The following ANKRD12 variants were observed in gnomAD, a reference collection of about 807,000 sequenced individuals.
The protein encoded by ANKRD12 is ankyrin repeat domain 12.
In ANKRD12, 85 loss-of-function variants were observed where a neutral mutation model predicts 183.4. The observed-to-expected ratio is 0.46, with a 90% CI of 0.39 to 0.56. The LOEUF (loss-of-function observed/expected upper bound fraction) is 0.56, where lower values mean the gene tolerates loss of function less well. Among genes scored for constraint, ANKRD12 ranks in the 20% least tolerant of loss-of-function variants. The pLI is 0.00. For missense variants in ANKRD12, 2,405 were observed against 2,357.1 expected (o/e 1.02, Z -0.42); for synonymous variants, 914 against 800.2 (o/e 1.14, Z -2.40).
At chr18:9,157,585 G>GTGTGTGTGTGTGTA (rs1472659778) in intron 1 of ANKRD12, among the ~76,000 whole-genome samples, 28 of 92,678 alleles carry the variant, frequency 3.0e-4, no homozygotes, top group African/African-American at 1.3e-3. Context: ...GTGTGTGTGT[G>GTGTGTGTGTGTGTA]TATATATATA....
intron 2 of ANKRD12, among the ~76,000 whole-genome samples, chr18:9,192,614 T>A (rs1049628007): frequency 4.6e-5 from 7 of 152,184 alleles, no homozygotes; most frequent in Non-Finnish European, 8.8e-5. Context: ...TTCTTGAATT[T>A]TTGTTTTTTT....
At chr18:9,206,608 C>G (rs2035499706) in intron 4 of ANKRD12, among the ~76,000 whole-genome samples, 1 of 152,058 alleles carries the variant, frequency 6.6e-6, no homozygotes, top group Non-Finnish European at 1.5e-5. Context: ...TGAACTCAGA[C>G]ATATGACTAT....
rs2038744073 is a variant in ANKRD12 at position 9,258,048 on chromosome 18, G to A, written c.4781G>A (p.Ser1594Asn). 4 of 1,613,496 alleles carry A rather than the reference G, an allele frequency of 2.5e-6. No individual in the cohort carries two copies. Among genetic ancestry groups the A allele is most frequent in the East Asian group, 2.2e-5 (1 of 44,872 alleles). ...CCATCAGAAAAGGACTTTAATGGAA[G>A]TGATGCCTCTACCCAGCTAAATACA... is the stretch of plus-strand genomic sequence containing the variant. Reference protein sequence around the residue: ...VLPSEKDFNGSDASTQLNTHY... With the variant: ...VLPSEKDFNGNDASTQLNTHY... The change falls in exon 9 of 13, where the codon AGT (serine) becomes AAT (asparagine). Residue 1594 changes from serine to asparagine, a missense_variant. Physicochemically the swap from Ser to Asn is conservative, Grantham distance 46. Transcript: ENST00000262126.
At chr18:9,271,321 C>T (rs985904434) in intron 10 of ANKRD12, among the ~76,000 whole-genome samples, 2 of 152,066 alleles carry the variant, frequency 1.3e-5, no homozygotes, top group African/African-American at 4.8e-5. Context: ...GTGAGGAGAT[C>T]GAGACCATCC....
intron 10 of ANKRD12, among the ~76,000 whole-genome samples, 157 bp from the exon 11 acceptor site, chr18:9,275,367 G>A (rs1483987189): frequency 4.6e-5 from 7 of 152,076 alleles, no homozygotes; most frequent in Admixed American, 2.0e-4. Flanking sequence ...CAACTACTAC[G>A]GAGGCTGAGG....
chr18:9,187,943 A>G (rs904574424), intron 2 of ANKRD12, among the ~76,000 whole-genome samples: 25 of 152,200 alleles, frequency 1.6e-4, no homozygotes, highest in Admixed American at 5.9e-4. Flanking sequence ...TTCTTTTATT[A>G]TCCAAGTATT....
intron 8 of ANKRD12, chr18:9,239,620 TA>T (rs2037543430): frequency 2.7e-6 from 2 of 738,916 alleles, no homozygotes; most frequent in Admixed American, 5.5e-5. Context: ...CAAAATTTAT[TA>T]CTTAATTTAC....
chr18:9,257,329 G>C lies in ANKRD12; in HGVS notation c.4062G>C (p.Val1354=). ...PSPKPEVFSN[V]PERDLSNVSN... ...CCAAACCTGAGGTATTCTCAAATGT[G>C]CCTGAAAGAGACCTTTCAAATGTAT... Residue 1354 remains valine, a synonymous_variant, in exon 9 of 13, where the codon GTG becomes GTC. Coordinates refer to ENST00000262126, the MANE Select transcript of ANKRD12 (RefSeq NM_015208.5). 6.2e-7 allele frequency: 1 copy of C among 1,614,108 alleles called. No individual in the cohort carries two copies.
At chr18:9,273,426 C>T (rs543829854) in intron 10 of ANKRD12, among the ~76,000 whole-genome samples, 4 of 152,278 alleles carry the variant, frequency 2.6e-5, no homozygotes, top group Admixed American at 1.3e-4. Flanking sequence ...AAACTGCCAA[C>T]ACAAGGGCAT....
chr18:9,174,016 C>A (rs1448182789), intron 1 of ANKRD12, among the ~76,000 whole-genome samples: 1 of 152,212 alleles, frequency 6.6e-6, no homozygotes, highest in Admixed American at 6.5e-5. Context: ...CTGAAATTCC[C>A]TCAGGGAGGC....
At chr18:9,159,787 G>A (rs1029100393) in intron 1 of ANKRD12, among the ~76,000 whole-genome samples, 1 of 148,872 alleles carries the variant, frequency 6.7e-6, no homozygotes, top group South Asian at 2.2e-4. Flanking sequence ...CTTTATACAT[G>A]TATAGTAGTT....
intron 11 of ANKRD12, among the ~76,000 whole-genome samples, chr18:9,277,548 C>T (rs1288162400): frequency 6.6e-6 from 1 of 151,644 alleles, no homozygotes; most frequent in African/African-American, 2.4e-5. Flanking sequence ...AGGATGGTCT[C>T]GATCTCCTGA....
At position 9,208,730 on chromosome 18, in the gene ANKRD12, T is replaced by C; in HGVS notation, c.378T>C (p.Leu126=). Residue 126 remains leucine, a synonymous_variant, in exon 5 of 13, where the codon CTT becomes CTC. Coordinates refer to ENST00000262126, the MANE Select transcript of ANKRD12 (RefSeq NM_015208.5). The part of the protein sequence containing the change: ...GNKKSTPVSI[L]FGYPLSERKQ... ...AGAAATCCACACCAGTTAGCATTCT[T>C]TTTGGTTATCCACTCTCTGAGCGAA... 1 of 1,611,178 alleles carries C rather than the reference T, an allele frequency of 6.2e-7. No homozygotes were observed. Among genetic ancestry groups the C allele is most frequent in the East Asian group, 2.2e-5 (1 of 44,734 alleles).
chr18:9,275,532 CATT>C lies in ANKRD12; in HGVS notation c.5773_5775del (p.Ile1925del). On this transcript the variant is annotated inframe_deletion, in exon 11 of 13. Coordinates refer to ENST00000262126, the MANE Select transcript of ANKRD12 (RefSeq NM_015208.5). The stretch of plus-strand genomic sequence containing the variant: ...ATTCTTTATTCAACTAGGAAAAACT[CATT>C]GTATCCAACGAACAAGAAGTTTTGC... The C allele has an allele frequency of 6.3e-7, 1 of 1,597,228 alleles. No individual in the cohort carries two copies. The highest frequency in any genetic ancestry group is 8.5e-7 in the Non-Finnish European group (1 of 1,172,742).
chr18:9,197,664 AT>A (rs954830893), intron 3 of ANKRD12, among the ~76,000 whole-genome samples: 21 of 152,222 alleles, frequency 1.4e-4, no homozygotes, highest in African/African-American at 4.8e-4. Flanking sequence ...AGAGAAAAAA[AT>A]GTTACTTAAG....
At position 9,211,658 on chromosome 18, in the gene ANKRD12, G is replaced by A; in HGVS notation, c.526G>A (p.Asp176Asn). 6.2e-7 allele frequency: 1 copy of A among 1,613,818 alleles called. No individual in the cohort carries two copies. The highest frequency in any genetic ancestry group is 8.5e-7 in the Non-Finnish European group (1 of 1,179,848). The change falls in exon 6 of 13, where the codon GAT becomes AAT. Residue 176 changes from aspartate to asparagine, a missense_variant. Transcript: ENST00000262126. ...TCCCAGTTCTTCATCTCGACAGAAA[G>A]ATAAAGTTAATAAAAGAAATGAACG... is the stretch of plus-strand genomic sequence containing the variant. The part of the protein sequence containing the change: ...KTPSSSSRQK[D>N]KVNKRNERGE...
intron 8 of ANKRD12, among the ~76,000 whole-genome samples, chr18:9,232,690 T>C (rs2037120431): frequency 6.6e-6 from 1 of 152,240 alleles, no homozygotes; most frequent in Non-Finnish European, 1.5e-5. Context: ...GCTATTTTGA[T>C]AAATAGGTTT....
At chr18:9,143,099 C>CTTGGT (rs2078374324) in intron 1 of ANKRD12, among the ~76,000 whole-genome samples, 1 of 152,140 alleles carries the variant, frequency 6.6e-6, no homozygotes, top group Admixed American at 6.5e-5. Flanking sequence ...TTGGAAGTTA[C>CTTGGT]TTGGTAATCA....
intron 3 of ANKRD12, chr18:9,200,697 G>A (rs767684703): frequency 1.2e-4 from 18 of 152,204 alleles, no homozygotes; most frequent in Non-Finnish European, 1.5e-4. Flanking sequence ...ATCAGTTTCA[G>A]AGAATTGTGA....
Sources: gnomAD v4.1 joint callset for allele counts (sites outside exome capture counted in the v4.1 genomes callset) on GRCh38, gnomAD v4.1.1 for gene constraint, MANE v1.5 for transcripts, NCBI Gene and HGNC (gene_info 2026-07-23, HGNC 2026-07-21) for gene names.